Variants in PCDH9 observed in about 807,000 individuals in gnomAD.
PCDH9 encodes the protein protocadherin-9.
In PCDH9, 24 loss-of-function variants were observed where a neutral mutation model predicts 70.6. The observed-to-expected ratio is 0.34, with a 90% CI of 0.25 to 0.48. PCDH9 has a LOEUF of 0.48. Among genes scored for constraint, PCDH9 ranks in the 20% least tolerant of loss-of-function variants. PCDH9 has a pLI of 0.99. For missense variants in PCDH9, 1,281 were observed against 1,503.6 expected (o/e 0.85, Z 2.45); for synonymous variants, 562 against 558.5 (o/e 1.01, Z -0.09).
chr13:67,001,740 AG>A (rs1216946703), intron 2 of PCDH9: 1 of 152,298 alleles, frequency 6.6e-6, no homozygotes, highest in Non-Finnish European at 1.5e-5. Flanking sequence ...GCTTAAGAGC[AG>A]AACCTTGAGG....
chr13:66,937,820 C>CTTTT (rs57911340), intron 2 of PCDH9, among the ~76,000 whole-genome samples: 1 of 146,886 alleles, frequency 6.8e-6, no homozygotes, highest in Non-Finnish European at 1.5e-5. Flanking sequence ...ATCACTTTAC[C>CTTTT]TTTTTTTTTT....
At chr13:66,366,990 C>G (rs926805005) in intron 4 of PCDH9, among the ~76,000 whole-genome samples, 1 of 152,068 alleles carries the variant, frequency 6.6e-6, no homozygotes, top group Non-Finnish European at 1.5e-5. Context: ...AGAATCAACA[C>G]TAATCATCTT....
rs533676399 is a variant in PCDH9, at chr13:66,674,548, C to T, written c.3139-43137G>A. On this transcript the variant is annotated intron_variant, in intron 3 of 4. Transcript: ENST00000377865. ...TGGAATTATATAGCCTACAGAAAAA[C>T]CTTCCATTTGCAGTTTTCCTTCTAC... is the stretch of plus-strand genomic sequence containing the variant. 3.0e-3 allele frequency among the ~76,000 whole-genome samples: 449 copies of T among 152,130 alleles called. 6 individuals carry two copies. The highest frequency in any genetic ancestry group is 3.4e-3 in the Non-Finnish European group (234 of 67,916).
intron 3 of PCDH9, among the ~76,000 whole-genome samples, chr13:66,726,876 C>A (rs1196822236): frequency 6.6e-6 from 1 of 152,166 alleles, no homozygotes; most frequent in African/African-American, 2.4e-5. Flanking sequence ...TTCATATTCA[C>A]CAAAAACAAG....
chr13:66,636,139 A>G (rs1025493564), intron 3 of PCDH9, among the ~76,000 whole-genome samples: 1 of 152,164 alleles, frequency 6.6e-6, no homozygotes, highest in Non-Finnish European at 1.5e-5. Context: ...TGTTTAAAGT[A>G]GTATTGTTTG....
rs76909830 is a variant in PCDH9 at position 66,953,138 on chromosome 13, T to C, written c.3037-49533A>G. Reference sequence around the variant, plus strand: ...AGATATATGATCTTTGAGAAAAAAATAAAGCCAGAACATGTATTCACAAAC... The same window carrying C: ...AGATATATGATCTTTGAGAAAAAAACAAAGCCAGAACATGTATTCACAAAC... On this transcript the variant is annotated intron_variant, in intron 2 of 4. Transcript: ENST00000377865. Among the ~76,000 whole-genome samples the C allele has an allele frequency of 5.7e-3, 868 of 151,522 alleles. 14 individuals are homozygous for C. The highest frequency in any genetic ancestry group is 0.02 in the African/African-American group (832 of 41,228).
rs1427154805 is a variant in PCDH9, at chr13:67,169,955, G to T, written c.3036+55450C>A. On this transcript the variant is annotated intron_variant, in intron 2 of 4. Coordinates refer to ENST00000377865, the MANE Select transcript of PCDH9 (RefSeq NM_203487.3). ...TCCTCAAATCTCTGGAACCAGTTAGGTACGTCTCTATATGGTTGTAGAGCA... is the reference window on the plus strand; with the variant it reads ...TCCTCAAATCTCTGGAACCAGTTAGTTACGTCTCTATATGGTTGTAGAGCA... 2.0e-5 allele frequency among the ~76,000 whole-genome samples: 3 copies of T among 152,090 alleles called. No homozygotes were observed. In the South Asian group the frequency reaches 6.2e-4, roughly 32 times the overall value.
chr13:66,675,871 G>T (rs560621138), intron 3 of PCDH9, among the ~76,000 whole-genome samples: 1 of 152,190 alleles, frequency 6.6e-6, no homozygotes, highest in East Asian at 1.9e-4. Context: ...CCAGCTTTTT[G>T]TTCGCAGAAG....
At chr13:66,630,376 G>T (rs1227129502) in intron 4 of PCDH9, among the ~76,000 whole-genome samples, 1 of 152,046 alleles carries the variant, frequency 6.6e-6, no homozygotes, top group Non-Finnish European at 1.5e-5. Context: ...TCATTAGACT[G>T]GGGATAATAA....
chr13:67,101,480 C>T (rs2086433415), intron 2 of PCDH9, among the ~76,000 whole-genome samples: 1 of 152,116 alleles, frequency 6.6e-6, no homozygotes, highest in African/African-American at 2.4e-5. Context: ...TATAAATTTC[C>T]CTCACCCATT....
chr13:67,044,922 C>T (rs1325581799), intron 2 of PCDH9, among the ~76,000 whole-genome samples: 2 of 152,004 alleles, frequency 1.3e-5, no homozygotes, highest in Admixed American at 6.6e-5. Flanking sequence ...TTATCTGGTG[C>T]AAAAATTAGG....
rs1195314039 is a variant in PCDH9 at position 66,502,845 on chromosome 13, T to C, written c.3340+128365A>G. 2.6e-5 allele frequency among the ~76,000 whole-genome samples: 4 copies of C among 152,184 alleles called. No individual in the cohort carries two copies. The South Asian group carries it at 8.3e-4, about 32-fold the overall frequency. ...ATATCTCATTTTAATTTTGTTCTTA[T>C]GGCTTGTTGAATGTGATTTGTTTCT... On this transcript the variant is annotated intron_variant, in intron 4 of 4. Transcript: ENST00000377865.
chr13:67,041,302 T>G (rs2085108931), intron 2 of PCDH9, among the ~76,000 whole-genome samples: 1 of 152,158 alleles, frequency 6.6e-6, no homozygotes, highest in Non-Finnish European at 1.5e-5. Flanking sequence ...CCATAAACAT[T>G]TTCAGACCAT....
intron 3 of PCDH9, among the ~76,000 whole-genome samples, chr13:66,737,497 G>T (rs182658715): frequency 4.6e-5 from 7 of 152,344 alleles, no homozygotes; most frequent in African/African-American, 1.7e-4. Context: ...GAGGAGCCAA[G>T]ATGGCCGAAT....
intron 3 of PCDH9, among the ~76,000 whole-genome samples, chr13:66,697,287 C>G (rs111486449): frequency 6.6e-6 from 1 of 151,778 alleles, no homozygotes; most frequent in African/African-American, 2.4e-5. Flanking sequence ...TCTCCCCCCC[C>G]AAAAAATATT....
chr13:67,101,880 G>A (rs1320153221), intron 2 of PCDH9, among the ~76,000 whole-genome samples: 2 of 152,112 alleles, frequency 1.3e-5, no homozygotes, highest in East Asian at 3.9e-4. Context: ...AGGCTGTTAT[G>A]GAATGGAATG....
chr13:67,050,187 T>C (rs1021090146), intron 2 of PCDH9, among the ~76,000 whole-genome samples: 3 of 152,196 alleles, frequency 2.0e-5, no homozygotes, highest in African/African-American at 7.2e-5. Context: ...ATCCTAAATT[T>C]GGTTGCAAGA....
At chr13:66,440,515 A>T (rs1957952854) in intron 4 of PCDH9, among the ~76,000 whole-genome samples, 1 of 152,092 alleles carries the variant, frequency 6.6e-6, no homozygotes, top group African/African-American at 2.4e-5. Context: ...AAACTATGTT[A>T]ATTTTATAAT....
chr13:67,194,805 ACAGTTGGAACTACT>A (rs946455571), intron 2 of PCDH9, among the ~76,000 whole-genome samples: 1 of 152,198 alleles, frequency 6.6e-6, no homozygotes, highest in Admixed American at 6.5e-5. Flanking sequence ...CATGAGGGGC[ACAGTTGGAACTACT>A]CAGCAGTTAG....
Sources: allele counts gnomAD v4.1 joint callset (sites outside exome capture counted in the v4.1 genomes callset), GRCh38; gene constraint gnomAD v4.1.1; transcripts MANE v1.5; gene names NCBI Gene and HGNC (gene_info 2026-07-23, HGNC 2026-07-21).